The following CADM2 variants were observed in gnomAD, a reference collection of about 807,000 sequenced individuals.
CADM2 encodes the protein cell adhesion molecule 2, also known as immunoglobulin superfamily member 4D.
CADM2 carries 12 observed loss-of-function variants against 49.8 expected under a neutral mutation model. The observed-to-expected ratio is 0.24, with a 90% CI of 0.15 to 0.39. The LOEUF is 0.39. Ranked by LOEUF, CADM2 falls within the 10% of genes least tolerant of loss-of-function variation. The pLI, the probability that CADM2 is intolerant of heterozygous loss-of-function variation, is 1.00. For missense variants in CADM2, 378 were observed against 492.3 expected (o/e 0.77, Z 2.20); for synonymous variants, 214 against 175.4 (o/e 1.22, Z -1.74).
intron 1 of CADM2, among the ~76,000 whole-genome samples, chr3:84,966,937 G>GA (rs911518908): frequency 3.1e-4 from 47 of 150,540 alleles, no homozygotes; most frequent in Admixed American, 2.1e-3. Flanking sequence ...TTTGCTTTCA[G>GA]AAAAAAAAAT....
chr3:85,441,215 A>T (rs1263152491), intron 1 of CADM2, among the ~76,000 whole-genome samples: 1 of 152,008 alleles, frequency 6.6e-6, no homozygotes, highest in Non-Finnish European at 1.5e-5. Flanking sequence ...CTCAGTTTTT[A>T]ATATTATGTT....
At chr3:85,609,779 G>A (rs1377334889) in intron 1 of CADM2, among the ~76,000 whole-genome samples, 3 of 152,094 alleles carry the variant, frequency 2.0e-5, no homozygotes, top group Admixed American at 1.3e-4. Flanking sequence ...TCAGTCAGCA[G>A]TGCTGGTAAA....
At chr3:85,693,347 G>A (rs904669187) in intron 1 of CADM2, among the ~76,000 whole-genome samples, 18 of 151,730 alleles carry the variant, frequency 1.2e-4, no homozygotes, top group Non-Finnish European at 1.9e-4. Flanking sequence ...TTGGGAGGCC[G>A]AGGCAGGCAG....
chr3:86,003,375 A>G (rs1333929397), intron 8 of CADM2, among the ~76,000 whole-genome samples: 1 of 152,126 alleles, frequency 6.6e-6, no homozygotes. Flanking sequence ...CTCTAATCCA[A>G]TAACCCCATG....
intron 3 of CADM2, among the ~76,000 whole-genome samples, chr3:85,826,597 C>T (rs957827403): frequency 1.3e-5 from 2 of 151,832 alleles, no homozygotes; most frequent in African/African-American, 4.8e-5. Context: ...TTCCCCCTAC[C>T]GTTAGCAAAT....
chr3:85,945,447 A>G (rs1722546370), intron 7 of CADM2, among the ~76,000 whole-genome samples: 1 of 152,126 alleles, frequency 6.6e-6, no homozygotes, highest in Non-Finnish European at 1.5e-5. Context: ...CATCATCCTG[A>G]TACCAAAGCC....
chr3:85,852,419 A>G (rs1473949062), intron 3 of CADM2, among the ~76,000 whole-genome samples: 1 of 152,150 alleles, frequency 6.6e-6, no homozygotes, highest in Non-Finnish European at 1.5e-5. Flanking sequence ...CAGATCCTTT[A>G]AGATGTGTAA....
chr3:84,996,584 T>C (rs1203055330), intron 1 of CADM2, among the ~76,000 whole-genome samples: 1 of 152,148 alleles, frequency 6.6e-6, no homozygotes, highest in Non-Finnish European at 1.5e-5. Context: ...TAAAAAATAT[T>C]ATGAAATTAC....
intron 1 of CADM2, among the ~76,000 whole-genome samples, chr3:85,706,214 A>G (rs1036637002): frequency 2.0e-5 from 3 of 152,196 alleles, no homozygotes; most frequent in Non-Finnish European, 4.4e-5. Context: ...AATTAACTCT[A>G]CATTGTGTTC....
At chr3:85,319,374 A>G (rs939533676) in intron 1 of CADM2, among the ~76,000 whole-genome samples, 1 of 152,190 alleles carries the variant, frequency 6.6e-6, no homozygotes, top group East Asian at 1.9e-4. Context: ...CCACTGTGGA[A>G]AGCTGTGTGG....
intron 1 of CADM2, among the ~76,000 whole-genome samples, chr3:85,243,629 G>A (rs2042582632): frequency 6.6e-6 from 1 of 152,022 alleles, no homozygotes; most frequent in Non-Finnish European, 1.5e-5. Flanking sequence ...TCATTAAGTG[G>A]TCCAGATGGA....
chr3:85,405,405 T>C (rs890190624), intron 1 of CADM2, among the ~76,000 whole-genome samples: 14 of 152,164 alleles, frequency 9.2e-5, no homozygotes, highest in African/African-American at 3.1e-4. Flanking sequence ...GCAGGAGAGA[T>C]TGAGAGCCAG....
At chr3:85,006,382 C>T (rs1242682730) in intron 1 of CADM2, among the ~76,000 whole-genome samples, 1 of 152,050 alleles carries the variant, frequency 6.6e-6, no homozygotes, top group Non-Finnish European at 1.5e-5. Flanking sequence ...TGGAGGAAAA[C>T]ATTAAGATAG....
chr3:85,735,584 A>G (rs1474728528), intron 2 of CADM2, among the ~76,000 whole-genome samples: 1 of 152,148 alleles, frequency 6.6e-6, no homozygotes, highest in East Asian at 1.9e-4. Context: ...GTGAAAAAAG[A>G]CTGCAATGAG....
intron 7 of CADM2, among the ~76,000 whole-genome samples, chr3:85,949,345 A>G (rs768040517): frequency 4.6e-5 from 7 of 151,378 alleles, no homozygotes; most frequent in East Asian, 1.9e-4. Flanking sequence ...TATATTTTTT[A>G]TTGTATGTCA....
intron 1 of CADM2, among the ~76,000 whole-genome samples, chr3:85,141,678 A>T (rs764187658): frequency 6.6e-6 from 1 of 152,166 alleles, no homozygotes; most frequent in Admixed American, 6.6e-5. Flanking sequence ...ATGAATATAG[A>T]TAGGATATAT....
intron 3 of CADM2, among the ~76,000 whole-genome samples, chr3:85,810,532 GTTTTTTTTTTT>G (rs71112120): frequency 0.041 from 3,558 of 87,414 alleles, 171 homozygotes; most frequent in African/African-American, 0.14. Flanking sequence ...ATAGAATTCT[GTTTTTTTTTTT>G]TTTTTTTTTT....
chr3:85,255,748 T>C (rs950629393), intron 1 of CADM2, among the ~76,000 whole-genome samples: 1 of 152,042 alleles, frequency 6.6e-6, no homozygotes, highest in Non-Finnish European at 1.5e-5. Context: ...CTTCCTGGAC[T>C]GTAAAAACAA....
chr3:85,225,972 G>A (rs555258968), intron 1 of CADM2, among the ~76,000 whole-genome samples: 27 of 152,316 alleles, frequency 1.8e-4, no homozygotes, highest in African/African-American at 6.3e-4. Flanking sequence ...TGGTGGATAA[G>A]CTTTCTGCGG....
Sources: allele counts gnomAD v4.1 joint callset (sites outside exome capture counted in the v4.1 genomes callset), GRCh38; gene constraint gnomAD v4.1.1; transcripts MANE v1.5; gene names NCBI Gene and HGNC (gene_info 2026-07-23, HGNC 2026-07-21).